The following ERCC8 variants were observed in gnomAD, a reference collection of about 807,000 sequenced individuals.
The protein encoded by ERCC8 is DNA excision repair protein ERCC-8.
Under a neutral mutation model 54.9 loss-of-function variants are expected in ERCC8, and 52 were observed. That is an observed-to-expected ratio of 0.95 (90% CI 0.76 to 1.19). ERCC8 has a LOEUF of 1.19. Ranked by LOEUF, ERCC8 falls within the 50% of genes most tolerant of loss-of-function variation. ERCC8 has a pLI of 0.00. For synonymous variants in ERCC8, 146 were observed against 157.2 expected, an observed-to-expected ratio of 0.93 and a Z score of 0.53; for missense variants, 514 against 466.1, an observed-to-expected ratio of 1.10 and a Z score of -0.95.
chr5:60,938,425 C>T (rs1411996431), intron 1 of ERCC8, among the ~76,000 whole-genome samples: 1 of 146,076 alleles, frequency 6.8e-6, no homozygotes, highest in Non-Finnish European at 1.5e-5. Flanking sequence ...ACTATGTCGG[C>T]TCACTGCAAC....
At chr5:60,876,507 C>G (rs1748013256) in intron 11 of ERCC8, among the ~76,000 whole-genome samples, 2 of 152,266 alleles carry the variant, frequency 1.3e-5, no homozygotes, top group East Asian at 1.9e-4. Flanking sequence ...CAGTGTAAAA[C>G]TGTTCCTATT....
chr5:60,897,446 T>A (rs1448871865), intron 9 of ERCC8, among the ~76,000 whole-genome samples: 2 of 152,226 alleles, frequency 1.3e-5, no homozygotes, highest in Non-Finnish European at 2.9e-5. Flanking sequence ...CCTGGCAAAT[T>A]AAATGCTAAT....
chr5:60,923,654 T>C (rs1749665257), intron 2 of ERCC8, among the ~76,000 whole-genome samples: 1 of 152,106 alleles, frequency 6.6e-6, no homozygotes, highest in African/African-American at 2.4e-5. Context: ...AGTATACTTA[T>C]TTTTTTACAA....
At position 60,938,082 on chromosome 5, in the gene ERCC8, TA is replaced by T. The variant is rs1561519137; in HGVS notation, c.77+6849del. ...ATATATATATATATATATATATATA[TA>T]TATTTTATTTTTTTTTTTTTTAGGT... On this transcript the variant is annotated intron_variant, in intron 1 of 11. Coordinates refer to ENST00000676185, the MANE Select transcript of ERCC8 (RefSeq NM_000082.4). Among the ~76,000 whole-genome samples, 50 of 23,234 alleles carry T rather than the reference TA, an allele frequency of 2.2e-3. 5 individuals carry two copies. Among genetic ancestry groups the T allele is most frequent in the African/African-American group, 5.4e-3 (48 of 8,810 alleles). 15.2% of individuals were successfully genotyped at this position (23,234 alleles called of 152,430 possible).
At chr5:60,877,184 G>A (rs1210079533) in intron 11 of ERCC8, among the ~76,000 whole-genome samples, 1 of 152,122 alleles carries the variant, frequency 6.6e-6, no homozygotes, top group Non-Finnish European at 1.5e-5. Flanking sequence ...AAGATCAGAT[G>A]GTTGTAGATA....
chr5:60,901,930 T>G (rs530488384), intron 7 of ERCC8, among the ~76,000 whole-genome samples: 1 of 152,210 alleles, frequency 6.6e-6, no homozygotes, highest in African/African-American at 2.4e-5. Flanking sequence ...GTACCTCTAT[T>G]AAAGCATTTT....
In ERCC8 at chr5:60,884,487, A is replaced by T. The variant is rs562143385; in HGVS notation, c.1122+2953T>A. On this transcript the variant is annotated intron_variant, in intron 11 of 11. Coordinates refer to ENST00000676185, the MANE Select transcript of ERCC8 (RefSeq NM_000082.4). ...CCAGACTCCTTCTCAAAAAAAAAAA[A>T]AAAAAAAGACTATGTGTATGTATAT... Among the ~76,000 whole-genome samples the T allele has an allele frequency of 2.7e-5, 4 of 150,834 alleles. No individual in the cohort carries two copies. In the South Asian group the frequency reaches 8.4e-4, roughly 32 times the overall value.
chr5:60,891,531 A>T (rs1211307682), intron 9 of ERCC8, among the ~76,000 whole-genome samples: 1 of 152,050 alleles, frequency 6.6e-6, no homozygotes, highest in African/African-American at 2.4e-5. Context: ...TATACTCCCA[A>T]AAAACATTAT....
chr5:60,908,476 A>G (rs908153914), intron 4 of ERCC8, among the ~76,000 whole-genome samples: 2 of 151,526 alleles, frequency 1.3e-5, no homozygotes, highest in African/African-American at 4.8e-5. Context: ...CATCATTCCA[A>G]CCCTTCCCCA....
intron 11 of ERCC8, among the ~76,000 whole-genome samples, chr5:60,878,135 G>C (rs982982587): frequency 1.3e-5 from 2 of 152,146 alleles, no homozygotes; most frequent in African/African-American, 4.8e-5. Flanking sequence ...TAATCATTTG[G>C]TTTTTGTCAT....
chr5:60,933,372 C>T (rs1013391198), intron 1 of ERCC8, among the ~76,000 whole-genome samples: 3 of 151,660 alleles, frequency 2.0e-5, no homozygotes, highest in African/African-American at 2.4e-5. Context: ...GCATCTGCCA[C>T]CACACCTGGC....
chr5:60,890,137 T>C (rs1183245497), intron 10 of ERCC8, among the ~76,000 whole-genome samples: 2 of 152,116 alleles, frequency 1.3e-5, no homozygotes, highest in Non-Finnish European at 1.5e-5. Flanking sequence ...TACAGCACAG[T>C]GTCAGGCACA....
At position 60,942,059 on chromosome 5, in the gene ERCC8, A is replaced by G. The variant is rs118010688; in HGVS notation, c.77+2873T>C. On this transcript the variant is annotated intron_variant, in intron 1 of 11. Coordinates refer to ENST00000676185, the MANE Select transcript of ERCC8 (RefSeq NM_000082.4). Reference sequence around the variant, plus strand: ...TGATCCGAAGTAGACAACGAAAAGTAAGTATTTTATAATTCCTAGAGCAGC... The same window carrying G: ...TGATCCGAAGTAGACAACGAAAAGTGAGTATTTTATAATTCCTAGAGCAGC... Among the ~76,000 whole-genome samples the G allele has an allele frequency of 1.6e-4, 25 of 152,352 alleles. No homozygotes were observed. In the East Asian group the frequency reaches 4.4e-3, roughly 27 times the overall value.
At chr5:60,920,061 G>T (rs1276062667) in intron 3 of ERCC8, among the ~76,000 whole-genome samples, 1 of 151,906 alleles carries the variant, frequency 6.6e-6, no homozygotes, top group Non-Finnish European at 1.5e-5. Context: ...TCTTTTCCTA[G>T]GAGAGTTAGC....
chr5:60,878,276 T>C (rs1748081574), intron 11 of ERCC8, among the ~76,000 whole-genome samples: 1 of 152,230 alleles, frequency 6.6e-6, no homozygotes, highest in African/African-American at 2.4e-5. Context: ...AGTTTGCCAG[T>C]ATTTTATTAA....
rs1414252022 is a variant in ERCC8, at chr5:60,868,482, T to G, written c.*6133A>C. On this transcript the variant is annotated 3_prime_UTR_variant, in exon 12 of 12. Transcript: ENST00000676185. ...GAGGTCGCAACATAGTTCTTTAATT[T>G]TACCCCCTTCCTTTGAAATTTTAAT... Among the ~76,000 whole-genome samples, 1 of 152,198 alleles carries G rather than the reference T, an allele frequency of 6.6e-6. No homozygotes were observed. Among genetic ancestry groups the G allele is most frequent in the East Asian group, 1.9e-4 (1 of 5,194 alleles).
At chr5:60,933,396 T>C (rs1749971999) in intron 1 of ERCC8, among the ~76,000 whole-genome samples, 1 of 151,894 alleles carries the variant, frequency 6.6e-6, no homozygotes, top group Admixed American at 6.6e-5. Context: ...TTTTTGTATT[T>C]TTAGTAGAGA....
chr5:60,919,344 T>C (rs146700579), intron 3 of ERCC8: 2 of 152,070 alleles, frequency 1.3e-5, no homozygotes, highest in East Asian at 3.9e-4. Context: ...TATACAACTC[T>C]CCAATCTTGT....
intron 1 of ERCC8, among the ~76,000 whole-genome samples, chr5:60,938,085 A>T (rs1374516521): frequency 0.021 from 383 of 18,480 alleles, 3 homozygotes; most frequent in African/African-American, 0.047. Context: ...ATATATATAT[A>T]TTTTATTTTT....
Sources: gnomAD v4.1 joint callset for allele counts (sites outside exome capture counted in the v4.1 genomes callset) on GRCh38, gnomAD v4.1.1 for gene constraint, MANE v1.5 for transcripts, NCBI Gene and HGNC (gene_info 2026-07-23, HGNC 2026-07-21) for gene names.